ITGB5: variants seen among roughly 807,000 people sequenced by gnomAD.
ITGB5 encodes integrin subunit beta 5, also known as integrin beta-5.
ITGB5 carries 38 observed loss-of-function variants against 84.8 expected under a neutral mutation model. The observed-to-expected ratio is 0.45, with a 90% CI of 0.35 to 0.59. The LOEUF (loss-of-function observed/expected upper bound fraction) is 0.59. ITGB5 is among the 20% of genes least tolerant of loss of function. The probability of loss-of-function intolerance (pLI) is 0.01; values close to 1 mark genes in which losing one functional copy is unlikely to be tolerated. For synonymous variants in ITGB5, 393 were observed against 414.4 expected (o/e 0.95, Z 0.63); for missense variants, 905 against 1,034.5 (o/e 0.87, Z 1.72).
At chr3:124,850,667 C>T (rs1293566458) in intron 3 of ITGB5, among the ~76,000 whole-genome samples, 3 of 150,284 alleles carry the variant, frequency 2.0e-5, no homozygotes, top group African/African-American at 7.4e-5. Flanking sequence ...ACATTGTGCC[C>T]ATGTACCCTA....
intron 1 of ITGB5, among the ~76,000 whole-genome samples, chr3:124,883,481 T>G (rs920363368): frequency 6.6e-6 from 1 of 152,202 alleles, no homozygotes; most frequent in Non-Finnish European, 1.5e-5. Flanking sequence ...ACCCACTGTT[T>G]GTATTTCATT....
At chr3:124,787,849 A>G (rs532157805) in intron 10 of ITGB5, 63 of 151,918 alleles carry the variant, frequency 4.1e-4, no homozygotes, top group African/African-American at 1.5e-3. Flanking sequence ...CACAAGCCCT[A>G]CAATTTGGTA....
intron 5 of ITGB5, among the ~76,000 whole-genome samples, chr3:124,840,654 TTTTC>T (rs551804336): frequency 5.7e-5 from 8 of 139,638 alleles, no homozygotes; most frequent in South Asian, 4.6e-4. Flanking sequence ...ACACAATTCT[TTTTC>T]TTTCTTTTTT....
chr3:124,766,077 GAAA>G (rs1173636735), intron 13 of ITGB5, 146 bp downstream of exon 13: 1 of 603,680 alleles, frequency 1.7e-6, no homozygotes, highest in African/African-American at 2.3e-5. Flanking sequence ...AAAAAAAAAA[GAAA>G]AAGAAGAAAT....
intron 5 of ITGB5, among the ~76,000 whole-genome samples, chr3:124,827,869 C>T (rs1211374651): frequency 6.6e-6 from 1 of 152,130 alleles, no homozygotes; most frequent in African/African-American, 2.4e-5. Context: ...CTCATCCTGG[C>T]TCAAAAGCTC....
chr3:124,873,693 G>A (rs1373165056), intron 1 of ITGB5, among the ~76,000 whole-genome samples, 162 bp from the exon 2 acceptor site: 2 of 152,148 alleles, frequency 1.3e-5, no homozygotes, highest in African/African-American at 4.8e-5. Flanking sequence ...CATTTGCTAA[G>A]GCTGAACATT....
At chr3:124,882,501 C>T (rs1259107820) in intron 1 of ITGB5, among the ~76,000 whole-genome samples, 1 of 152,154 alleles carries the variant, frequency 6.6e-6, no homozygotes, top group African/African-American at 2.4e-5. Flanking sequence ...GGGAGAAGGG[C>T]TGCCATGGGA....
intron 4 of ITGB5, among the ~76,000 whole-genome samples, chr3:124,842,535 A>C (rs1048866783): frequency 1.3e-5 from 2 of 152,230 alleles, no homozygotes; most frequent in Non-Finnish European, 2.9e-5. Context: ...ACAGAGCCCA[A>C]GGACAGAGGG....
At chr3:124,818,066 C>G (rs1579245067) in intron 7 of ITGB5, among the ~76,000 whole-genome samples, 1 of 152,246 alleles carries the variant, frequency 6.6e-6, no homozygotes, top group African/African-American at 2.4e-5. Flanking sequence ...TGCCATTTCT[C>G]CCCCGGTCTC....
At chr3:124,868,606 C>A (rs1019293835) in intron 2 of ITGB5, among the ~76,000 whole-genome samples, 1 of 125,644 alleles carries the variant, frequency 8.0e-6, no homozygotes, top group Non-Finnish European at 1.6e-5. Context: ...CATAGTGAGA[C>A]CTGTTCTCTA....
At chr3:124,784,901 T>C (rs2064058407) in intron 10 of ITGB5, among the ~76,000 whole-genome samples, 1 of 152,208 alleles carries the variant, frequency 6.6e-6, no homozygotes, top group Non-Finnish European at 1.5e-5. Flanking sequence ...GGTGTTGTGG[T>C]TGGTTAACAG....
intron 10 of ITGB5, 139 bp from the exon 11 acceptor site, chr3:124,774,051 A>G (rs539192773): frequency 1.3e-6 from 1 of 776,342 alleles, no homozygotes; most frequent in Non-Finnish European, 2.1e-6. Context: ...GTTTGGGGAG[A>G]TAGACAGAGG....
intron 2 of ITGB5, among the ~76,000 whole-genome samples, chr3:124,865,751 G>A (rs1019992187): frequency 6.6e-6 from 1 of 151,926 alleles, no homozygotes; most frequent in South Asian, 2.1e-4. Flanking sequence ...GCCTCCCAAA[G>A]TGCTGGGATT....
At chr3:124,799,715 G>A (rs1468926698) in intron 9 of ITGB5, among the ~76,000 whole-genome samples, 2 of 152,166 alleles carry the variant, frequency 1.3e-5, no homozygotes, top group East Asian at 1.9e-4. Context: ...CAGGGTTGGC[G>A]GGGTTGGTGG....
In ITGB5 at chr3:124,763,730, G is replaced by A. The variant is rs534398019; in HGVS notation, c.2305-12C>T. On this transcript the variant is annotated splice_polypyrimidine_tract_variant and intron_variant, in intron 14 of 14. Transcript: ENST00000296181. ...AATGGATTTGAAGCCTACAGAACACGGCGGGGAAGAGGATGAGGACACATG... is the reference window on the plus strand; with the variant it reads ...AATGGATTTGAAGCCTACAGAACACAGCGGGGAAGAGGATGAGGACACATG... 11 of 1,519,568 alleles carry A rather than the reference G, an allele frequency of 7.2e-6. No homozygotes were observed. The highest frequency in any genetic ancestry group is 2.3e-5 in the South Asian group (2 of 88,856). 94.1% of individuals were successfully genotyped at this position (1,519,568 alleles called of 1,614,324 possible). A position where few individuals can be genotyped will look rare whatever the true frequency, so the allele number is the denominator to read the frequency against.
At chr3:124,827,682 A>G (rs1022443086) in intron 5 of ITGB5, among the ~76,000 whole-genome samples, 14 of 152,192 alleles carry the variant, frequency 9.2e-5, no homozygotes, top group African/African-American at 3.1e-4. Context: ...AAGCTAAGCC[A>G]TCGTATCCCC....
chr3:124,858,669 T>C (rs932911651), intron 3 of ITGB5, among the ~76,000 whole-genome samples: 3 of 152,176 alleles, frequency 2.0e-5, no homozygotes, highest in African/African-American at 4.8e-5. Flanking sequence ...ATTCCACTTA[T>C]GGTAGGTATC....
chr3:124,789,476 G>A (rs2064127312), intron 10 of ITGB5, among the ~76,000 whole-genome samples: 3 of 31,370 alleles, frequency 9.6e-5, no homozygotes, highest in African/African-American at 3.0e-4. Flanking sequence ...TATCAGAACC[G>A]CCTCTGACTA....
intron 2 of ITGB5, among the ~76,000 whole-genome samples, chr3:124,868,917 G>A (rs1310915991): frequency 6.6e-6 from 1 of 152,186 alleles, no homozygotes; most frequent in African/African-American, 2.4e-5. Context: ...CACCGTGCAG[G>A]GAGTGGTGGG....
Sources: gnomAD v4.1 joint callset for allele counts (sites outside exome capture counted in the v4.1 genomes callset) on GRCh38, gnomAD v4.1.1 for gene constraint, MANE v1.5 for transcripts, NCBI Gene and HGNC (gene_info 2026-07-23, HGNC 2026-07-21) for gene names.